CASK: variants seen among roughly 807,000 people sequenced by gnomAD.
CASK encodes peripheral plasma membrane protein CASK.
Under a neutral mutation model 82.9 loss-of-function variants are expected in CASK, and 4 were observed. The ratio of observed to expected loss-of-function variants is 0.05; its 90% CI spans 0.02 to 0.11. CASK has a LOEUF of 0.11. CASK is among the 10% of genes least tolerant of loss of function. The probability of loss-of-function intolerance (pLI) is 1.00; values close to 1 mark genes in which losing one functional copy is unlikely to be tolerated. For synonymous variants in CASK, 259 were observed against 253.5 expected (o/e 1.02, Z -0.20); for missense variants, 358 against 720.9 (o/e 0.50, Z 5.76).
chrX:41,520,459 G>A lies in CASK; in HGVS notation c.2742C>T (p.Cys914=). The change falls in exon 27 of 27, where the codon TGC becomes TGT. Residue 914 remains cysteine, a synonymous_variant. Coordinates refer to ENST00000378163, the MANE Select transcript of CASK (RefSeq NM_001367721.1). The part of the protein sequence containing the change: ...RHLEEAVELV[C]TAPQWVPVSW... ...AGACAGGGACCCACTGTGGGGCTGTGCACACGAGCTCAACAGCTTCCTCCA... is the reference window on the plus strand; with the variant it reads ...AGACAGGGACCCACTGTGGGGCTGTACACACGAGCTCAACAGCTTCCTCCA... The A allele has an allele frequency of 8.3e-7, 1 of 1,209,808 alleles. No individual in the cohort carries two copies. The highest frequency in any genetic ancestry group is 1.1e-6 in the Non-Finnish European group (1 of 894,111).
chrX:41,522,384 G>T (rs2064649792), intron 26 of CASK: 1 of 111,985 alleles, frequency 8.9e-6, no homozygotes. Context: ...TTCAAAGCAG[G>T]ACAGGGCATG....
intron 4 of CASK, among the ~76,000 whole-genome samples, chrX:41,743,337 C>T (rs768747257): frequency 5.5e-5 from 6 of 109,965 alleles, no homozygotes; most frequent in Non-Finnish European, 9.5e-5. Flanking sequence ...TTTTGAGGGA[C>T]AAGAAAGAAT....
At position 41,872,292 on chromosome X, in the gene CASK, G is replaced by A. The variant is rs148290772; in HGVS notation, c.60-19065C>T. 5.3e-3 allele frequency among the ~76,000 whole-genome samples: 592 copies of A among 112,074 alleles called. 5 individuals carry two copies. Among genetic ancestry groups the A allele is most frequent in the African/African-American group, 0.018 (558 of 30,847 alleles). On this transcript the variant is annotated intron_variant, in intron 1 of 26. Coordinates refer to ENST00000378163, the MANE Select transcript of CASK (RefSeq NM_001367721.1). ...AATGCATTTGGAGTAAAGGTTTCAG[G>A]TTATGCTAAATGACTATGTTTCCTA...
intron 16 of CASK, among the ~76,000 whole-genome samples, chrX:41,563,209 T>A (rs2065256559): frequency 9.4e-6 from 1 of 105,930 alleles, no homozygotes; most frequent in Non-Finnish European, 1.9e-5. Flanking sequence ...TACAAAGTAT[T>A]AAAAAAATTA....
chrX:41,554,940 T>C (rs773269840), intron 20 of CASK, among the ~76,000 whole-genome samples: 2 of 112,175 alleles, frequency 1.8e-5, no homozygotes, highest in African/African-American at 6.5e-5. Flanking sequence ...CCTGAAGACT[T>C]TGGAACCACT....
chrX:41,900,482 A>G (rs1284023289), intron 1 of CASK, among the ~76,000 whole-genome samples: 1 of 110,268 alleles, frequency 9.1e-6, no homozygotes, highest in Admixed American at 9.7e-5. Flanking sequence ...GTAGTTTCAA[A>G]TGACCATCTT....
intron 2 of CASK, among the ~76,000 whole-genome samples, chrX:41,827,920 T>C (rs777126539): frequency 2.7e-5 from 3 of 111,517 alleles, no homozygotes; most frequent in African/African-American, 6.5e-5. Flanking sequence ...AGAGAATGGA[T>C]TGAGGTAGGC....
chrX:41,714,323 C>T (rs1489588077), intron 5 of CASK, among the ~76,000 whole-genome samples: 1 of 111,237 alleles, frequency 9.0e-6, no homozygotes, highest in African/African-American at 3.3e-5. Flanking sequence ...TTGGTAAAGT[C>T]GTAATAGAGG....
chrX:41,586,995 AT>A lies in CASK; in HGVS notation c.1234-9del, dbSNP rs1433180207. ...TGAAATTTCTTCCAATACCTAAAAA[AT>A]AAACAAGATATACAATAATACAAAC... On this transcript the variant is annotated splice_polypyrimidine_tract_variant and intron_variant, in intron 13 of 26. Transcript: ENST00000378163. 1 of 983,542 alleles carries A rather than the reference AT, an allele frequency of 1.0e-6. No individual in the cohort carries two copies. The highest frequency in any genetic ancestry group is 1.4e-6 in the Non-Finnish European group (1 of 691,890). 81.1% of individuals were successfully genotyped at this position (983,542 alleles called of 1,213,427 possible). A position where few individuals can be genotyped will look rare whatever the true frequency, so the allele number is the denominator to read the frequency against.
intron 4 of CASK, among the ~76,000 whole-genome samples, 175 bp from the exon 5 acceptor site, chrX:41,739,631 CAA>C (rs1347865441): frequency 8.9e-6 from 1 of 112,129 alleles, no homozygotes; most frequent in Non-Finnish European, 1.9e-5. Context: ...TTGGCAGACT[CAA>C]AAGTTTATGG....
intron 21 of CASK, among the ~76,000 whole-genome samples, chrX:41,553,226 G>T (rs2065122212): frequency 1.8e-5 from 2 of 111,690 alleles, no homozygotes; most frequent in South Asian, 7.4e-4. Context: ...TAAAGGACTG[G>T]CAAGGTAAAG....
intron 1 of CASK, among the ~76,000 whole-genome samples, chrX:41,893,078 C>T (rs1404361395): frequency 8.9e-6 from 1 of 112,015 alleles, no homozygotes; most frequent in Admixed American, 9.4e-5. Context: ...AAATGAAAAG[C>T]CACAAAACTA....
chrX:41,759,277 T>C (rs757233861), intron 3 of CASK, among the ~76,000 whole-genome samples: 26 of 111,847 alleles, frequency 2.3e-4, no homozygotes, highest in Admixed American at 1.2e-3. Flanking sequence ...TAACTTGTTT[T>C]CTCAACACTA....
chrX:41,819,257 A>C (rs2070480569), intron 2 of CASK, among the ~76,000 whole-genome samples: 1 of 111,581 alleles, frequency 9.0e-6, no homozygotes, highest in Non-Finnish European at 1.9e-5. Context: ...AAAAGTTATC[A>C]ATATCAGCAA....
chrX:41,517,828 C>T lies in CASK; in HGVS notation c.*2592G>A. The T allele has an allele frequency of 1.4e-6, 1 of 718,360 alleles. No individual in the cohort carries two copies. Among genetic ancestry groups the T allele is most frequent in the South Asian group, 2.3e-5 (1 of 43,182 alleles). 59.2% of individuals were successfully genotyped at this position (718,360 alleles called of 1,213,427 possible). A position where few individuals can be genotyped will look rare whatever the true frequency, so the allele number is the denominator to read the frequency against. On this transcript the variant is annotated 3_prime_UTR_variant, in exon 27 of 27. Transcript: ENST00000378163. The stretch of plus-strand genomic sequence containing the variant: ...CAGCAGCAGCAGCAGCAGCAATGTA[C>T]TGAAATTACTCTGAATTCAGAAATG...
At chrX:41,804,992 C>G (rs746451617) in intron 2 of CASK, among the ~76,000 whole-genome samples, 1 of 111,893 alleles carries the variant, frequency 8.9e-6, no homozygotes, top group Non-Finnish European at 1.9e-5. Flanking sequence ...CCTACTTTAA[C>G]GTAAGCACTC....
At chrX:41,757,098 T>C (rs1333882394) in intron 3 of CASK, among the ~76,000 whole-genome samples, 1 of 112,427 alleles carries the variant, frequency 8.9e-6, no homozygotes, top group Non-Finnish European at 1.9e-5. Context: ...TTCCAGATGA[T>C]ACATATGAAT....
chrX:41,664,714 A>T (rs756173908), intron 7 of CASK, among the ~76,000 whole-genome samples: 2 of 112,189 alleles, frequency 1.8e-5, no homozygotes, highest in Non-Finnish European at 3.8e-5. Flanking sequence ...TGAATTTTCA[A>T]TTTTTTACTA....
chrX:41,737,925 T>C (rs2068524494), intron 5 of CASK, among the ~76,000 whole-genome samples: 1 of 113,141 alleles, frequency 8.8e-6, no homozygotes, highest in African/African-American at 3.2e-5. Flanking sequence ...CTACTACAGT[T>C]GACAATTTCC....
Sources: allele counts gnomAD v4.1 joint callset (sites outside exome capture counted in the v4.1 genomes callset), GRCh38; gene constraint gnomAD v4.1.1; transcripts MANE v1.5; gene names NCBI Gene and HGNC (gene_info 2026-07-23, HGNC 2026-07-21).